The following CPEB1 variants were observed in gnomAD, a reference collection of about 807,000 sequenced individuals.
CPEB1 encodes cytoplasmic polyadenylation element binding protein 1, also known as cytoplasmic polyadenylation element-binding protein 1.
A neutral mutation model predicts 65.8 loss-of-function variants in CPEB1; 7 were observed. The ratio of observed to expected loss-of-function variants is 0.11; its 90% CI spans 0.06 to 0.20. The LOEUF (loss-of-function observed/expected upper bound fraction) is 0.20. CPEB1 is among the 10% of genes least tolerant of loss of function. CPEB1 has a pLI of 1.00. For missense variants in CPEB1, 551 were observed against 712.2 expected (o/e 0.77, Z 2.58); for synonymous variants, 262 against 260.0 (o/e 1.01, Z -0.08).
chr15:82,566,554 C>T (rs1451685768), intron 4 of CPEB1, among the ~76,000 whole-genome samples: 1 of 152,158 alleles, frequency 6.6e-6, no homozygotes, highest in Non-Finnish European at 1.5e-5. Flanking sequence ...GGACTTCCCC[C>T]CGACTGTGGA....
At chr15:82,581,907 C>A (rs1027921560) in intron 3 of CPEB1, among the ~76,000 whole-genome samples, 1 of 152,158 alleles carries the variant, frequency 6.6e-6, no homozygotes, top group African/African-American at 2.4e-5. Context: ...ATTACCCATT[C>A]CCATGACTAC....
chr15:82,629,901 C>G (rs1404993239), intron 1 of CPEB1: 1 of 985,302 alleles, frequency 1.0e-6, no homozygotes, highest in East Asian at 1.1e-4. Flanking sequence ...ACGTCAGCCT[C>G]AAGTTCTTGA....
rs1203930927 is a variant in CPEB1, at chr15:82,590,234, A to C, written c.272-18702T>G. Reference sequence around the variant, plus strand: ...CAAAAAAAAAAAAAAAAAAAAAAAAAAAAAAACAGTTGTTAGTCTCATTAA... The same window carrying C: ...CAAAAAAAAAAAAAAAAAAAAAAAACAAAAAACAGTTGTTAGTCTCATTAA... On this transcript the variant is annotated intron_variant, in intron 3 of 12. Coordinates refer to ENST00000684509, the MANE Select transcript of CPEB1 (RefSeq NM_001365242.1). 3.0e-4 allele frequency among the ~76,000 whole-genome samples: 39 copies of C among 131,682 alleles called. 1 individual carries two copies. Among genetic ancestry groups the C allele is most frequent in the African/African-American group, 4.7e-4 (17 of 36,106 alleles). 86.4% of individuals were successfully genotyped at this position (131,682 alleles called of 152,430 possible).
chr15:82,596,735 T>C (rs2042696959), intron 3 of CPEB1, among the ~76,000 whole-genome samples: 1 of 151,900 alleles, frequency 6.6e-6, no homozygotes, highest in East Asian at 1.9e-4. Flanking sequence ...TACAGTATTA[T>C]TTATAGCAAG....
intron 3 of CPEB1, among the ~76,000 whole-genome samples, chr15:82,605,084 T>C (rs891800033): frequency 2.6e-5 from 4 of 152,180 alleles, no homozygotes; most frequent in South Asian, 2.1e-4. Flanking sequence ...CAGAAGGCAG[T>C]AGGATGACAT....
chr15:82,621,364 G>A (rs1596119541), intron 3 of CPEB1, among the ~76,000 whole-genome samples: 1 of 151,322 alleles, frequency 6.6e-6, no homozygotes, highest in South Asian at 2.1e-4. Context: ...GCTCACGCCT[G>A]TAATCCCAGC....
intron 8 of CPEB1, among the ~76,000 whole-genome samples, 174 bp from the exon 9 acceptor site, chr15:82,552,790 G>T (rs1233254153): frequency 6.6e-6 from 1 of 152,206 alleles, no homozygotes; most frequent in Non-Finnish European, 1.5e-5. Flanking sequence ...CAGATGCCCT[G>T]GGTTGTGGGC....
At chr15:82,638,146 T>C (rs560603808) in intron 1 of CPEB1, 71 of 289,708 alleles carry the variant, frequency 2.5e-4, no homozygotes, top group African/African-American at 1.5e-3. Context: ...GAAAAAGGAG[T>C]ATTTTAATAT....
At position 82,552,627 on chromosome 15, in the gene CPEB1, T is replaced by C; in HGVS notation, c.1145-11A>G. 8.7e-6 allele frequency: 14 copies of C among 1,613,838 alleles called. No homozygotes were observed. The highest frequency in any genetic ancestry group is 1.2e-5 in the Non-Finnish European group (14 of 1,179,824). On this transcript the variant is annotated splice_polypyrimidine_tract_variant and intron_variant, in intron 8 of 12. Transcript: ENST00000684509. Reference sequence around the variant, plus strand: ...CCAGATACACATACCCTATTCCCAATGAGAGGAAAAATCGCATTAATATCC... The same window carrying C: ...CCAGATACACATACCCTATTCCCAACGAGAGGAAAAATCGCATTAATATCC...
intron 8 of CPEB1, among the ~76,000 whole-genome samples, 157 bp from the exon 9 acceptor site, chr15:82,552,773 T>C (rs2036507890): frequency 6.6e-6 from 1 of 152,248 alleles, no homozygotes; most frequent in Non-Finnish European, 1.5e-5. Context: ...TGGAAGCATT[T>C]GCTATGCAGA....
intron 3 of CPEB1, among the ~76,000 whole-genome samples, chr15:82,590,424 A>G (rs754166072): frequency 6.6e-6 from 1 of 152,158 alleles, no homozygotes; most frequent in Non-Finnish European, 1.5e-5. Context: ...TCCCCAAAAG[A>G]AACCTGTATC....
intron 3 of CPEB1, among the ~76,000 whole-genome samples, chr15:82,576,468 G>A (rs1471804072): frequency 6.6e-6 from 1 of 152,210 alleles, no homozygotes; most frequent in Non-Finnish European, 1.5e-5. Context: ...AACAAATATA[G>A]TATTGAATAC....
intron 5 of CPEB1, 102 bp from the exon 6 acceptor site, chr15:82,556,224 A>G (rs1283195761): frequency 3.1e-6 from 4 of 1,276,514 alleles, no homozygotes; most frequent in South Asian, 1.6e-5. Flanking sequence ...GACATTTAGC[A>G]TTTGATATAT....
intron 3 of CPEB1, among the ~76,000 whole-genome samples, chr15:82,586,996 A>C (rs895989690): frequency 1.3e-5 from 2 of 152,210 alleles, no homozygotes; most frequent in Non-Finnish European, 2.9e-5. Context: ...TCTTTAAGAC[A>C]GTTTCAATAG....
chr15:82,645,717 A>C (rs993573337), intron 1 of CPEB1, among the ~76,000 whole-genome samples: 3 of 151,860 alleles, frequency 2.0e-5, no homozygotes, highest in Non-Finnish European at 2.9e-5. Context: ...AAAATACAAA[A>C]ATCAGCCGCG....
intron 3 of CPEB1, among the ~76,000 whole-genome samples, chr15:82,579,847 G>A (rs1022015281): frequency 7.0e-6 from 1 of 143,724 alleles, no homozygotes; most frequent in Non-Finnish European, 1.5e-5. Flanking sequence ...GGGAAGCGGA[G>A]CTTGCAGTGA....
intron 8 of CPEB1, among the ~76,000 whole-genome samples, chr15:82,553,102 A>G (rs765148363): frequency 1.2e-4 from 18 of 152,186 alleles, no homozygotes; most frequent in Non-Finnish European, 2.4e-4. Context: ...GGGACTTCAG[A>G]ATTAGGTCAG....
chr15:82,573,263 T>C, intron 3 of CPEB1: 1 of 1,091,830 alleles, frequency 9.2e-7, no homozygotes, highest in Non-Finnish European at 1.3e-6. Context: ...GCTTTGCTGC[T>C]GTGTCATCCA....
At chr15:82,608,881 A>G (rs2043874059) in intron 3 of CPEB1, among the ~76,000 whole-genome samples, 1 of 152,228 alleles carries the variant, frequency 6.6e-6, no homozygotes, top group African/African-American at 2.4e-5. Flanking sequence ...CAATCTACAA[A>G]AGAAGAATAC....
Sources: gnomAD v4.1 joint callset for allele counts (sites outside exome capture counted in the v4.1 genomes callset) on GRCh38, gnomAD v4.1.1 for gene constraint, MANE v1.5 for transcripts, NCBI Gene and HGNC (gene_info 2026-07-23, HGNC 2026-07-21) for gene names.